CNTN5: variants seen among roughly 807,000 people sequenced by gnomAD.
CNTN5 encodes the protein contactin-5.
A neutral mutation model predicts 129.1 loss-of-function variants in CNTN5; 77 were observed. That is an observed-to-expected ratio of 0.60 (90% CI 0.50 to 0.72). The LOEUF (loss-of-function observed/expected upper bound fraction) is 0.72. CNTN5 is among the 30% of genes least tolerant of loss of function. The pLI is 0.00. For missense variants in CNTN5, 1,478 were observed against 1,328.8 expected (o/e 1.11, Z -1.75); for synonymous variants, 509 against 465.6 (o/e 1.09, Z -1.20).
intron 3 of CNTN5, among the ~76,000 whole-genome samples, chr11:99,609,559 T>G (rs1473905376): frequency 6.6e-6 from 1 of 152,016 alleles, no homozygotes; most frequent in Non-Finnish European, 1.5e-5. Flanking sequence ...GAATTGATTA[T>G]TAGGGAAAAG....
chr11:99,266,098 G>A (rs1240458459), intron 1 of CNTN5, among the ~76,000 whole-genome samples: 1 of 151,878 alleles, frequency 6.6e-6, no homozygotes, highest in East Asian at 1.9e-4. Context: ...GAAAGGAAAT[G>A]GTGTTTGATC....
chr11:100,240,827 G>A (rs1360351808), intron 16 of CNTN5, among the ~76,000 whole-genome samples: 2 of 152,212 alleles, frequency 1.3e-5, no homozygotes, highest in Non-Finnish European at 2.9e-5. Context: ...TGTTGTCCTA[G>A]TGTGTCATTG....
At chr11:99,904,586 G>T (rs1474071909) in intron 6 of CNTN5, among the ~76,000 whole-genome samples, 3 of 152,136 alleles carry the variant, frequency 2.0e-5, no homozygotes, top group Admixed American at 6.5e-5. Context: ...ACTGTGAATA[G>T]TGCTGCAGTA....
intron 13 of CNTN5, among the ~76,000 whole-genome samples, chr11:100,147,533 A>C (rs1377863747): frequency 6.6e-6 from 1 of 152,144 alleles, no homozygotes; most frequent in African/African-American, 2.4e-5. Context: ...CAGCTGGGTC[A>C]GTTCTGCTCG....
intron 7 of CNTN5, among the ~76,000 whole-genome samples, chr11:99,920,170 A>C (rs771038648): frequency 1.2e-4 from 19 of 152,008 alleles, no homozygotes; most frequent in Non-Finnish European, 2.4e-4. Flanking sequence ...CATGTGGGTT[A>C]TTTCTTTCTC....
At chr11:100,261,712 TAATA>T (rs1460109877) in intron 17 of CNTN5, among the ~76,000 whole-genome samples, 1 of 152,158 alleles carries the variant, frequency 6.6e-6, no homozygotes, top group African/African-American at 2.4e-5. Flanking sequence ...ATTCCCTATT[TAATA>T]AATGGTATTG....
chr11:100,240,170 C>G (rs776024762), intron 16 of CNTN5, among the ~76,000 whole-genome samples: 1 of 152,162 alleles, frequency 6.6e-6, no homozygotes, highest in Non-Finnish European at 1.5e-5. Context: ...TACAGACACT[C>G]TCCCTGTAAT....
chr11:99,739,200 T>C (rs1943812594), intron 3 of CNTN5, among the ~76,000 whole-genome samples: 1 of 152,160 alleles, frequency 6.6e-6, no homozygotes, highest in Non-Finnish European at 1.5e-5. Context: ...ACTTTAAAAG[T>C]TTATTTATAA....
intron 3 of CNTN5, among the ~76,000 whole-genome samples, chr11:99,773,375 A>G (rs947565235): frequency 2.6e-5 from 4 of 152,268 alleles, no homozygotes; most frequent in African/African-American, 9.6e-5. Context: ...ACTTAAATGT[A>G]TAAGCTTAAA....
At chr11:99,671,067 GCT>G (rs1348963639) in intron 3 of CNTN5, among the ~76,000 whole-genome samples, 1 of 151,182 alleles carries the variant, frequency 6.6e-6, no homozygotes, top group Non-Finnish European at 1.5e-5. Flanking sequence ...GCTTGCACGT[GCT>G]CTCTCTCGCT....
intron 13 of CNTN5, among the ~76,000 whole-genome samples, chr11:100,141,315 G>C (rs1946691529): frequency 6.6e-6 from 1 of 152,122 alleles, no homozygotes; most frequent in Non-Finnish European, 1.5e-5. Flanking sequence ...AGGGTTCCAA[G>C]GCAGAAAGTG....
Position 99,845,142 on chromosome 11 carries a change from A to G in CNTN5, c.457A>G (p.Ile153Val). Residue 153 changes from isoleucine to valine, a missense_variant, in exon 6 of 25, where the codon ATA becomes GTA. By Grantham distance (29) the Ile-to-Val change is conservative. Coordinates refer to ENST00000524871, the MANE Select transcript of CNTN5 (RefSeq NM_014361.4). ...DLESDYRYSL[I>V]DGTFIISNPS... The stretch of plus-strand genomic sequence containing the variant: ...GGAAAGTGATTATCGCTACAGTTTG[A>G]TAGATGGCACCTTCATTATAAGCAA... 6.2e-7 allele frequency: 1 copy of G among 1,613,796 alleles called. No homozygotes were observed. Among genetic ancestry groups the G allele is most frequent in the Non-Finnish European group, 8.5e-7 (1 of 1,179,836 alleles).
At chr11:100,154,609 C>CA (rs1170592375) in intron 13 of CNTN5, among the ~76,000 whole-genome samples, 1 of 152,104 alleles carries the variant, frequency 6.6e-6, no homozygotes, top group African/African-American at 2.4e-5. Flanking sequence ...CTGTCTTCCA[C>CA]AATGGTTGAA....
chr11:99,792,494 GA>G (rs1342912617), intron 3 of CNTN5, among the ~76,000 whole-genome samples: 1 of 150,960 alleles, frequency 6.6e-6, no homozygotes, highest in Non-Finnish European at 1.5e-5. Context: ...ATTTTGTTGA[GA>G]ATTTTTGAAT....
At chr11:99,498,297 T>A (rs1483554910) in intron 2 of CNTN5, among the ~76,000 whole-genome samples, 1 of 152,170 alleles carries the variant, frequency 6.6e-6, no homozygotes, top group Non-Finnish European at 1.5e-5. Context: ...CAGTGTAAAG[T>A]CAGTGTGTCA....
intron 2 of CNTN5, among the ~76,000 whole-genome samples, chr11:99,328,870 C>CAAAAAAAAA (rs10542347): frequency 4.6e-5 from 4 of 87,646 alleles, no homozygotes; most frequent in Non-Finnish European, 6.5e-5. Flanking sequence ...AACTCCATCT[C>CAAAAAAAAA]AAAAAAAAAA....
intron 2 of CNTN5, 135 bp from the exon 3 acceptor site, chr11:99,556,010 G>A: frequency 2.5e-6 from 1 of 406,522 alleles, no homozygotes; most frequent in Non-Finnish European, 4.4e-6. Flanking sequence ...TTGCTGTCTA[G>A]TGCATATTAA....
chr11:99,381,750 G>A (rs957303274), intron 2 of CNTN5, among the ~76,000 whole-genome samples: 3 of 152,042 alleles, frequency 2.0e-5, no homozygotes, highest in African/African-American at 7.3e-5. Context: ...AATTTTAATG[G>A]TTTTCTTAGA....
At chr11:99,939,580 A>G (rs1950389276) in intron 7 of CNTN5, among the ~76,000 whole-genome samples, 1 of 152,088 alleles carries the variant, frequency 6.6e-6, no homozygotes, top group African/African-American at 2.4e-5. Context: ...ATGACAATCT[A>G]ATAGTGTCCA....
Sources: allele counts gnomAD v4.1 joint callset (sites outside exome capture counted in the v4.1 genomes callset), GRCh38; gene constraint gnomAD v4.1.1; transcripts MANE v1.5; gene names NCBI Gene and HGNC (gene_info 2026-07-23, HGNC 2026-07-21).